BCKDHB: variants seen among roughly 807,000 people sequenced by gnomAD.
The protein encoded by BCKDHB is branched chain keto acid dehydrogenase E1 subunit beta.
Under a neutral mutation model 48.5 loss-of-function variants are expected in BCKDHB, and 41 were observed. The observed-to-expected ratio is 0.85, with a 90% confidence interval of 0.66 to 1.10. The LOEUF is 1.10. Among genes scored for constraint, BCKDHB ranks in the 50% least tolerant of loss-of-function variants. BCKDHB has a pLI of 0.00. For synonymous variants in BCKDHB, 201 were observed against 174.8 expected (o/e 1.15, Z -1.18); for missense variants, 496 against 494.2 (o/e 1.00, Z -0.03).
At chr6:80,237,763 A>C (rs1010514512) in intron 8 of BCKDHB, among the ~76,000 whole-genome samples, 1 of 152,224 alleles carries the variant, frequency 6.6e-6, no homozygotes, top group African/African-American at 2.4e-5. Flanking sequence ...TTTCTAGTTC[A>C]GATCAGAAAT....
At chr6:80,308,935 TAG>T in intron 9 of BCKDHB, among the ~76,000 whole-genome samples, 1 of 152,110 alleles carries the variant, frequency 6.6e-6, no homozygotes. Flanking sequence ...CTACCACACA[TAG>T]ATTTTCATAA....
the BCKDHB span, among the ~76,000 whole-genome samples, chr6:80,439,274 C>A: frequency 6.6e-6 from 1 of 152,218 alleles, no homozygotes; most frequent in East Asian, 1.9e-4. Context: ...AACTCAGTCG[C>A]ATTTACTACT....
chr6:80,205,789 T>TGGGG (rs879690817), intron 8 of BCKDHB, among the ~76,000 whole-genome samples: 19 of 126,990 alleles, frequency 1.5e-4, no homozygotes, highest in African/African-American at 5.3e-4. Flanking sequence ...CCCTGTGCCA[T>TGGGG]GGGTGTGTGT....
chr6:80,139,267 G>C (rs1397644587), intron 3 of BCKDHB, among the ~76,000 whole-genome samples: 2 of 152,020 alleles, frequency 1.3e-5, no homozygotes, highest in Admixed American at 6.6e-5. Flanking sequence ...TGTTCACTCT[G>C]ATGGTAGTTT....
At chr6:80,115,979 G>A (rs1394225461) in intron 1 of BCKDHB, among the ~76,000 whole-genome samples, 1 of 152,192 alleles carries the variant, frequency 6.6e-6, no homozygotes, top group East Asian at 1.9e-4. Flanking sequence ...AGGAAAGCCA[G>A]TGCCGAACGT....
intron 8 of BCKDHB, among the ~76,000 whole-genome samples, chr6:80,265,336 A>C (rs1348543571): frequency 6.6e-6 from 1 of 152,136 alleles, no homozygotes; most frequent in Non-Finnish European, 1.5e-5. Flanking sequence ...TATAAACAAA[A>C]TGTGATATAT....
At chr6:80,162,474 T>A (rs1772364645) in intron 3 of BCKDHB, among the ~76,000 whole-genome samples, 1 of 152,182 alleles carries the variant, frequency 6.6e-6, no homozygotes, top group East Asian at 1.9e-4. Flanking sequence ...TCCATTTTAT[T>A]AATTTTCTCA....
intron 1 of BCKDHB, among the ~76,000 whole-genome samples, chr6:80,118,898 TAGCAATTC>T (rs1453070932): frequency 2.0e-5 from 3 of 152,234 alleles, no homozygotes; most frequent in African/African-American, 7.2e-5. Context: ...CATGAGATTG[TAGCAATTC>T]AGTCACATCT....
At chr6:80,207,229 A>G (rs890934513) in intron 8 of BCKDHB, among the ~76,000 whole-genome samples, 2 of 151,982 alleles carry the variant, frequency 1.3e-5, no homozygotes, top group Non-Finnish European at 2.9e-5. Flanking sequence ...TAAGTTAAAT[A>G]TATGGAATTG....
chr6:80,382,330 A>G, the BCKDHB span, among the ~76,000 whole-genome samples: 1 of 136,934 alleles, frequency 7.3e-6, no homozygotes, highest in African/African-American at 3.5e-5. Flanking sequence ...CATTGAAATA[A>G]CAAATGACAT....
downstream of BCKDHB, among the ~76,000 whole-genome samples, chr6:80,351,252 G>T (rs555946597): frequency 2.8e-4 from 42 of 152,250 alleles, no homozygotes; most frequent in African/African-American, 9.4e-4. Context: ...TCTTCAGATA[G>T]ATTTCAAAAC....
the BCKDHB span, among the ~76,000 whole-genome samples, chr6:80,416,309 G>T: frequency 4.0e-4 from 56 of 140,248 alleles, 1 homozygote; most frequent in African/African-American, 1.5e-3. Flanking sequence ...GTTATTTCTT[G>T]TCTCCTGCTA....
chr6:80,354,612 C>T, the BCKDHB span, among the ~76,000 whole-genome samples: 2 of 152,128 alleles, frequency 1.3e-5, no homozygotes, highest in East Asian at 1.9e-4. Flanking sequence ...AGAGTTTTCC[C>T]TGGGTTTTCT....
chr6:80,313,260 T>A (rs1481567588), intron 9 of BCKDHB, among the ~76,000 whole-genome samples: 2 of 152,218 alleles, frequency 1.3e-5, no homozygotes, highest in African/African-American at 4.8e-5. Context: ...ATTTCTGGCA[T>A]CAGTGGTAAT....
chr6:80,408,760 A>G, the BCKDHB span, among the ~76,000 whole-genome samples: 1 of 143,782 alleles, frequency 7.0e-6, no homozygotes, highest in East Asian at 2.0e-4. Context: ...CTTCTTTATT[A>G]GTGTTGCTAG....
At position 80,138,675 on chromosome 6, in the gene BCKDHB, T is replaced by G. The variant is rs998527719; in HGVS notation, c.343+9446T>G. Among the ~76,000 whole-genome samples, 43 of 152,242 alleles carry G rather than the reference T, an allele frequency of 2.8e-4. 2 individuals are homozygous for G. The highest frequency in any genetic ancestry group is 1.5e-5 in the Non-Finnish European group (1 of 68,052). ...TCCTTGGTGTATATGTGCCCCATTT[T>G]CTTAATCCAGTCTATCATTGTTGGA... is the stretch of plus-strand genomic sequence containing the variant. On this transcript the variant is annotated intron_variant, in intron 3 of 9. Coordinates refer to ENST00000320393, the MANE Select transcript of BCKDHB (RefSeq NM_183050.4).
intron 3 of BCKDHB, among the ~76,000 whole-genome samples, chr6:80,165,134 C>T (rs1047517871): frequency 2.6e-5 from 4 of 152,060 alleles, no homozygotes; most frequent in Admixed American, 2.6e-4. Context: ...CATGAACTAG[C>T]AAGGAATCAA....
At chr6:80,447,721 A>G in the BCKDHB span, among the ~76,000 whole-genome samples, 1 of 151,710 alleles carries the variant, frequency 6.6e-6, no homozygotes, top group South Asian at 2.1e-4. Context: ...CTTTTTTGGG[A>G]GTGGGGGAAG....
the BCKDHB span, among the ~76,000 whole-genome samples, chr6:80,411,122 G>C: frequency 2.6e-5 from 4 of 151,988 alleles, no homozygotes; most frequent in African/African-American, 7.3e-5. Context: ...ACCTACAGAT[G>C]GGTTTTTTGT....
Sources: gnomAD v4.1 joint callset for allele counts (sites outside exome capture counted in the v4.1 genomes callset) on GRCh38, gnomAD v4.1.1 for gene constraint, MANE v1.5 for transcripts, NCBI Gene and HGNC (gene_info 2026-07-23, HGNC 2026-07-21) for gene names.